Variants in VCAN observed in about 807,000 individuals in gnomAD.
VCAN encodes versican.
In VCAN, 44 loss-of-function variants were observed where a neutral mutation model predicts 245.5. The observed-to-expected ratio is 0.18, with a 90% confidence interval of 0.14 to 0.23. The LOEUF is 0.23. Ranked by LOEUF, VCAN falls within the 10% of genes least tolerant of loss-of-function variation. The pLI, the probability that VCAN is intolerant of heterozygous loss-of-function variation, is 1.00. For missense variants in VCAN, 3,793 were observed against 4,057.9 expected, an observed-to-expected ratio of 0.93 and a Z score of 1.77; for synonymous variants, 1,413 against 1,437.0, an observed-to-expected ratio of 0.98 and a Z score of 0.38.
chr5:83,518,252 A>C (rs1375189643), intron 6 of VCAN, among the ~76,000 whole-genome samples: 5 of 152,172 alleles, frequency 3.3e-5, no homozygotes, highest in Non-Finnish European at 7.4e-5. Context: ...ATTTTAAAAA[A>C]ACAATCATTA....
chr5:83,571,594 A>C (rs908857249), intron 12 of VCAN, among the ~76,000 whole-genome samples: 1 of 152,144 alleles, frequency 6.6e-6, no homozygotes, highest in African/African-American at 2.4e-5. Context: ...ACCAGCAGAG[A>C]AATGTCAAAC....
At chr5:83,569,221 G>C (rs1748194013) in intron 12 of VCAN, among the ~76,000 whole-genome samples, 1 of 152,270 alleles carries the variant, frequency 6.6e-6, no homozygotes, top group Admixed American at 6.5e-5. Context: ...GGGTCCAAAA[G>C]CAAGAACTTT....
chr5:83,552,129 G>A (rs1190438129), intron 10 of VCAN, among the ~76,000 whole-genome samples: 1 of 152,200 alleles, frequency 6.6e-6, no homozygotes, highest in African/African-American at 2.4e-5. Flanking sequence ...AATCACTGAA[G>A]CCAGGAAAGA....
intron 1 of VCAN, among the ~76,000 whole-genome samples, chr5:83,478,710 A>G (rs1744486079): frequency 6.6e-6 from 1 of 152,260 alleles, no homozygotes; most frequent in African/African-American, 2.4e-5. Context: ...AAAACTGAGT[A>G]TATATTATAC....
At chr5:83,518,247 A>ATTTT (rs1745933300) in intron 6 of VCAN, among the ~76,000 whole-genome samples, 1 of 149,446 alleles carries the variant, frequency 6.7e-6, no homozygotes, top group African/African-American at 2.5e-5. Context: ...TTTTTATTTT[A>ATTTT]AAAAAACAAT....
rs1359130487 is a variant in VCAN, at chr5:83,512,155, A to G, written c.801A>G (p.Ala267=). The G allele has an allele frequency of 6.2e-7, 1 of 1,614,010 alleles. No individual in the cohort carries two copies. The highest frequency in any genetic ancestry group is 1.3e-5 in the African/African-American group (1 of 74,896). The part of the protein sequence containing the change: ...VPSKFTFEEA[A]KECENQDARL... The stretch of plus-strand genomic sequence containing the variant: ...GTAAATTCACCTTCGAGGAGGCTGC[A>G]AAAGAGTGTGAAAACCAGGATGCCA... The change falls in exon 6 of 15, where the codon GCA becomes GCG. Residue 267 remains alanine, a synonymous_variant. Transcript: ENST00000265077.
intron 13 of VCAN, among the ~76,000 whole-genome samples, chr5:83,573,239 T>G (rs1748357021): frequency 6.6e-6 from 1 of 152,144 alleles, no homozygotes; most frequent in African/African-American, 2.4e-5. Flanking sequence ...CAAAATAAAA[T>G]AGTTGTCAAC....
chr5:83,539,730 A>G lies in VCAN; in HGVS notation c.6727A>G (p.Thr2243Ala), dbSNP rs751656177. ...TKHFPKGMRP[T>A]IQESDTELLF... is the part of the protein sequence containing the mutation. The stretch of plus-strand genomic sequence containing the variant: ...ACATTTTCCGAAAGGCATGAGACCA[A>G]CAATTCAAGAGTCAGATACTGAGCT... The change falls in exon 8 of 15, where the codon ACA becomes GCA. Residue 2243 changes from threonine to alanine, a missense_variant. Coordinates refer to ENST00000265077, the MANE Select transcript of VCAN (RefSeq NM_004385.5). 79 of 1,613,750 alleles carry G rather than the reference A, an allele frequency of 4.9e-5. No individual in the cohort carries two copies. The highest frequency in any genetic ancestry group is 6.5e-5 in the Non-Finnish European group (77 of 1,180,012).
chr5:83,511,665 A>G (rs1428926794), intron 5 of VCAN, among the ~76,000 whole-genome samples: 10 of 152,226 alleles, frequency 6.6e-5, no homozygotes, highest in African/African-American at 2.4e-4. Context: ...TTTTAGGATA[A>G]ACAAAGTGGA....
Position 83,542,284 on chromosome 5 carries a change from T to A in VCAN, c.9265+16T>A, listed in dbSNP as rs766968743. 11 of 1,608,378 alleles carry A rather than the reference T, an allele frequency of 6.8e-6. No homozygotes were observed. The highest frequency in any genetic ancestry group is 9.3e-6 in the Non-Finnish European group (11 of 1,178,716). On this transcript the variant is annotated intron_variant, in intron 8 of 14. Coordinates refer to ENST00000265077, the MANE Select transcript of VCAN (RefSeq NM_004385.5). ...TATTTACCAGGTAAGATCACAACAT[T>A]GATAAATCTGTTTCCAAACCTGGAA...
intron 12 of VCAN, among the ~76,000 whole-genome samples, chr5:83,562,706 C>T (rs547648731): frequency 2.0e-5 from 3 of 152,078 alleles, no homozygotes; most frequent in African/African-American, 7.2e-5. Flanking sequence ...TCTCTCCTTA[C>T]ATTTGGATCG....
At chr5:83,511,878 C>T (rs1014733191) in intron 5 of VCAN, among the ~76,000 whole-genome samples, 1 of 152,118 alleles carries the variant, frequency 6.6e-6, no homozygotes, top group African/African-American at 2.4e-5. Context: ...CACACATACA[C>T]GTATAGAATA....
At chr5:83,478,576 A>C (rs1043152488) in intron 1 of VCAN, among the ~76,000 whole-genome samples, 2 of 152,206 alleles carry the variant, frequency 1.3e-5, no homozygotes, top group Non-Finnish European at 2.9e-5. Context: ...CATTTAAATA[A>C]AAGTTGCTGT....
chr5:83,532,905 A>G (rs1307356591), intron 7 of VCAN, among the ~76,000 whole-genome samples: 38 of 152,124 alleles, frequency 2.5e-4, no homozygotes, highest in Admixed American at 2.5e-3. Context: ...CTAATATACA[A>G]AATTAAGACT....
At chr5:83,522,907 C>G (rs1746161690) in intron 7 of VCAN, among the ~76,000 whole-genome samples, 1 of 152,064 alleles carries the variant, frequency 6.6e-6, no homozygotes, top group Non-Finnish European at 1.5e-5. Flanking sequence ...GTGGTTTTAT[C>G]TATTTAGAGC....
chr5:83,484,661 C>T (rs886387438), intron 2 of VCAN, among the ~76,000 whole-genome samples: 2 of 152,128 alleles, frequency 1.3e-5, no homozygotes, highest in African/African-American at 4.8e-5. Flanking sequence ...TGGGAATATA[C>T]CCATGGATGA....
At chr5:83,569,048 G>A (rs2112494757) in intron 12 of VCAN, among the ~76,000 whole-genome samples, 2 of 152,128 alleles carry the variant, frequency 1.3e-5, no homozygotes, top group Middle Eastern at 6.8e-3. Flanking sequence ...ATTTTAAATG[G>A]TGATATAATA....
chr5:83,480,850 A>G (rs1301872422), intron 1 of VCAN, among the ~76,000 whole-genome samples: 1 of 152,226 alleles, frequency 6.6e-6, no homozygotes, highest in Non-Finnish European at 1.5e-5. Context: ...TCTTAGTGAT[A>G]TGAAACTATG....
intron 9 of VCAN, 76 bp from the exon 10 acceptor site, chr5:83,547,895 C>T: frequency 9.3e-7 from 1 of 1,077,292 alleles, no homozygotes; most frequent in South Asian, 1.3e-5. Flanking sequence ...TGTATGTTAT[C>T]TTGCAACCTC....
Sources: allele counts gnomAD v4.1 joint callset (sites outside exome capture counted in the v4.1 genomes callset), GRCh38; gene constraint gnomAD v4.1.1; transcripts MANE v1.5; gene names NCBI Gene and HGNC (gene_info 2026-07-23, HGNC 2026-07-21).